The following SH3RF2 variants were observed in gnomAD, a reference collection of about 807,000 sequenced individuals.
SH3RF2 encodes SH3 domain containing ring finger 2.
In SH3RF2, 43 loss-of-function variants were observed where a neutral mutation model predicts 59.0. The observed-to-expected ratio is 0.73, with a 90% confidence interval of 0.57 to 0.94. SH3RF2 has a LOEUF of 0.94. Ranked by LOEUF, SH3RF2 falls within the 40% of genes least tolerant of loss-of-function variation. The pLI is 0.00. For missense variants in SH3RF2, 930 were observed against 940.1 expected, an observed-to-expected ratio of 0.99 and a Z score of 0.14; for synonymous variants, 391 against 391.5, an observed-to-expected ratio of 1.00 and a Z score of 0.01.
At chr5:145,944,423 C>G (rs1757938010) in intron 2 of SH3RF2, among the ~76,000 whole-genome samples, 1 of 150,440 alleles carries the variant, frequency 6.6e-6, no homozygotes, top group Non-Finnish European at 1.5e-5. Flanking sequence ...CCAATTATAG[C>G]TTGCTGCAGC....
chr5:146,055,790 G>T (rs1040344650), intron 7 of SH3RF2, 191 bp from the exon 8 acceptor site: 1 of 621,460 alleles, frequency 1.6e-6, no homozygotes, highest in Non-Finnish European at 2.8e-6. Context: ...ACAGTTATCC[G>T]GGTGTAGGGA....
intron 2 of SH3RF2, among the ~76,000 whole-genome samples, chr5:145,956,121 A>C (rs531342978): frequency 1.3e-5 from 2 of 152,296 alleles, no homozygotes; most frequent in African/African-American, 4.8e-5. Flanking sequence ...TGAATTTCTC[A>C]TAAGTTCTCA....
chr5:146,002,243 G>A (rs1023044022), intron 3 of SH3RF2, among the ~76,000 whole-genome samples: 3 of 152,156 alleles, frequency 2.0e-5, no homozygotes, highest in African/African-American at 7.2e-5. Context: ...TTGAGGTCAG[G>A]AGTTTGAGAC....
intron 2 of SH3RF2, among the ~76,000 whole-genome samples, chr5:145,980,239 G>A (rs10477293): frequency 3.9e-5 from 6 of 152,162 alleles, no homozygotes; most frequent in East Asian, 3.8e-4. Context: ...ACACCCACAC[G>A]TAACGAGGCA....
chr5:145,952,061 G>A (rs989058783), intron 2 of SH3RF2, among the ~76,000 whole-genome samples: 1 of 152,068 alleles, frequency 6.6e-6, no homozygotes, highest in Non-Finnish European at 1.5e-5. Context: ...ATACACTTGA[G>A]GACTGGCCCA....
At chr5:146,001,954 T>C (rs1395062058) in intron 3 of SH3RF2, among the ~76,000 whole-genome samples, 1 of 152,242 alleles carries the variant, frequency 6.6e-6, no homozygotes, top group Non-Finnish European at 1.5e-5. Flanking sequence ...GCTGTTCTTT[T>C]CCTAGTGCTT....
chr5:146,074,786 C>T (rs907510010), intron 9 of SH3RF2, among the ~76,000 whole-genome samples: 1 of 151,938 alleles, frequency 6.6e-6, no homozygotes, highest in East Asian at 1.9e-4. Flanking sequence ...CTCTCTCTCT[C>T]TCTCTCTCTC....
chr5:145,957,242 T>A (rs1337484192), intron 2 of SH3RF2, among the ~76,000 whole-genome samples: 1 of 152,144 alleles, frequency 6.6e-6, no homozygotes. Context: ...AAAATATTGT[T>A]AATATATAAA....
rs865835979 is a variant in SH3RF2, at chr5:146,056,172, G to A, written c.1514G>A (p.Gly505Glu). 1.2e-6 allele frequency: 2 copies of A among 1,614,092 alleles called. No individual in the cohort carries two copies. Among genetic ancestry groups the A allele is most frequent in the Admixed American group, 3.3e-5 (2 of 60,010 alleles). ...AGCACAGCCGGCCCTGGGACTTTAG[G>A]ACAAGGGTCTCTTCGGAAAGGGCGG... is the stretch of plus-strand genomic sequence containing the variant. ...VRSTAGPGTL[G>E]QGSLRKGRSS... is the part of the protein sequence containing the mutation. Residue 505 changes from glycine to glutamate, a missense_variant, in exon 8 of 10, where the codon GGA becomes GAA. Physicochemically the swap from Gly to Glu is moderately conservative, Grantham distance 98. Coordinates refer to ENST00000359120, the MANE Select transcript of SH3RF2 (RefSeq NM_152550.4).
rs912543185 is a variant in SH3RF2, at chr5:145,938,325, G to T, written c.378+19G>T. 2.0e-6 allele frequency: 3 copies of T among 1,510,882 alleles called. No homozygotes were observed. The Admixed American group carries it at 6.5e-5, about 33-fold the overall frequency. The allele number at this position is 1,510,882 out of a possible 1,614,324, so 93.6% of individuals were successfully genotyped here. ...GGATGGGGTAAGAGAGATCTTATTT[G>T]CTAATATCATGTCCACATAGAGGTT... is the stretch of plus-strand genomic sequence containing the variant. On this transcript the variant is annotated intron_variant, in intron 2 of 9. Transcript: ENST00000359120.
chr5:145,978,589 T>G (rs1260365600), intron 2 of SH3RF2, among the ~76,000 whole-genome samples: 1 of 152,118 alleles, frequency 6.6e-6, no homozygotes, highest in Non-Finnish European at 1.5e-5. Context: ...ATTTTCTGAT[T>G]GAGAACATTA....
chr5:145,937,507 G>T (rs532159344), intron 1 of SH3RF2, among the ~76,000 whole-genome samples: 1 of 152,298 alleles, frequency 6.6e-6, no homozygotes, highest in African/African-American at 2.4e-5. Context: ...CGGGCAGGGG[G>T]TAAAGGACCT....
intron 2 of SH3RF2, among the ~76,000 whole-genome samples, chr5:145,938,850 G>A (rs1757702159): frequency 6.6e-6 from 1 of 152,226 alleles, no homozygotes; most frequent in East Asian, 1.9e-4. Context: ...GTGCAGGAGG[G>A]AAGCATCTAT....
intron 2 of SH3RF2, among the ~76,000 whole-genome samples, chr5:145,985,858 G>A (rs1363499296): frequency 6.6e-6 from 1 of 151,974 alleles, no homozygotes; most frequent in Admixed American, 6.6e-5. Context: ...ATAAAAATTA[G>A]CTGGGCATGG....
Position 146,014,081 on chromosome 5 carries a change from G to A in SH3RF2, c.1059+20G>A. On this transcript the variant is annotated intron_variant, in intron 5 of 9. Coordinates refer to ENST00000359120, the MANE Select transcript of SH3RF2 (RefSeq NM_152550.4). ...GGACAGGTAGGGAAGAAACGCCTGG[G>A]ATGAGGGCACTTTGGAGTTGGGCAA... 1 of 1,607,650 alleles carries A rather than the reference G, an allele frequency of 6.2e-7. No homozygotes were observed. Among genetic ancestry groups the A allele is most frequent in the South Asian group, 1.1e-5 (1 of 89,676 alleles).
rs115667102 is a variant in SH3RF2 at position 146,041,849 on chromosome 5, T to G, written c.1060-5923T>G. Among the ~76,000 whole-genome samples, 1,028 of 152,262 alleles carry G rather than the reference T, an allele frequency of 6.8e-3. 14 individuals carry two copies. The highest frequency in any genetic ancestry group is 0.024 in the African/African-American group (1,002 of 41,542). ...AGGAGGCTGAGGCGGGAGGATCGATTGAACCCGGGAGGTTGAGGCTGCAGT... is the reference window on the plus strand; with the variant it reads ...AGGAGGCTGAGGCGGGAGGATCGATGGAACCCGGGAGGTTGAGGCTGCAGT... On this transcript the variant is annotated intron_variant, in intron 5 of 9. Transcript: ENST00000359120.
chr5:145,980,917 A>C (rs1213405733), intron 2 of SH3RF2, among the ~76,000 whole-genome samples: 1 of 152,072 alleles, frequency 6.6e-6, no homozygotes, highest in Non-Finnish European at 1.5e-5. Context: ...TCCTCCCCCT[A>C]CTGGATGAAA....
At chr5:146,048,541 C>T (rs57979984) in intron 6 of SH3RF2, among the ~76,000 whole-genome samples, 2,264 of 151,900 alleles carry the variant, frequency 0.015, 62 homozygotes, top group African/African-American at 0.05. Context: ...AAAAACAAAA[C>T]AAAAAAAACC....
intron 5 of SH3RF2, among the ~76,000 whole-genome samples, chr5:146,044,056 C>A (rs926145188): frequency 2.0e-5 from 3 of 152,094 alleles, no homozygotes; most frequent in African/African-American, 7.2e-5. Flanking sequence ...TGGCCTGTAC[C>A]ATTTTGCATT....
Sources: allele counts gnomAD v4.1 joint callset (sites outside exome capture counted in the v4.1 genomes callset), GRCh38; gene constraint gnomAD v4.1.1; transcripts MANE v1.5; gene names NCBI Gene and HGNC (gene_info 2026-07-23, HGNC 2026-07-21).